The following LMTK2 variants were observed in gnomAD, a reference collection of about 807,000 sequenced individuals.
LMTK2 encodes the protein lemur tail kinase 2, also known as serine/threonine-protein kinase LMTK2.
A neutral mutation model predicts 127.5 loss-of-function variants in LMTK2; 37 were observed. The observed-to-expected ratio is 0.29, with a 90% CI of 0.22 to 0.38. The LOEUF (loss-of-function observed/expected upper bound fraction) is 0.38, where lower values mean the gene tolerates loss of function less well. LMTK2 is among the 10% of genes least tolerant of loss of function. The pLI, the probability that LMTK2 is intolerant of heterozygous loss-of-function variation, is 1.00. For missense variants in LMTK2, 1,694 were observed against 1,920.3 expected (o/e 0.88, Z 2.20); for synonymous variants, 819 against 810.1 (o/e 1.01, Z -0.19).
rs2116491540 is a variant in LMTK2, at chr7:98,206,781, T to C, written c.*1289T>C. 1 of 152,272 alleles carries C rather than the reference T, an allele frequency of 6.6e-6. No individual in the cohort carries two copies. The highest frequency in any genetic ancestry group is 1.9e-4 in the East Asian group (1 of 5,180). 9.4% of individuals were successfully genotyped at this position (152,272 alleles called of 1,614,324 possible). A position where few individuals can be genotyped will look rare whatever the true frequency, so the allele number is the denominator to read the frequency against. On this transcript the variant is annotated 3_prime_UTR_variant, in exon 14 of 14. Coordinates refer to ENST00000297293, the MANE Select transcript of LMTK2 (RefSeq NM_014916.4). Reference sequence around the variant, plus strand: ...GTCACGTCCAGCTGGGCCTGGCCAGTCTGTGGTTATCCATGTGGGATGAGA... The same window carrying C: ...GTCACGTCCAGCTGGGCCTGGCCAGCCTGTGGTTATCCATGTGGGATGAGA...
intron 6 of LMTK2, among the ~76,000 whole-genome samples, chr7:98,165,201 A>T (rs1351846296): frequency 6.6e-6 from 1 of 152,188 alleles, no homozygotes; most frequent in African/African-American, 2.4e-5. Flanking sequence ...CACAACGGGG[A>T]GTACGATGAG....
At chr7:98,116,701 A>T (rs747460711) in intron 1 of LMTK2, among the ~76,000 whole-genome samples, 3 of 152,246 alleles carry the variant, frequency 2.0e-5, no homozygotes, top group Non-Finnish European at 4.4e-5. Flanking sequence ...TGTCACAACT[A>T]AGGAACAAGT....
chr7:98,129,955 A>G (rs1253660994), intron 1 of LMTK2, among the ~76,000 whole-genome samples: 1 of 152,086 alleles, frequency 6.6e-6, no homozygotes, highest in East Asian at 1.9e-4. Context: ...GACAGATTCC[A>G]TGGGCCGATG....
chr7:98,192,020 C>T lies in LMTK2; in HGVS notation c.1555C>T (p.Pro519Ser), dbSNP rs912819695. The T allele has an allele frequency of 3.1e-6, 5 of 1,607,110 alleles. No homozygotes were observed. The African/African-American group carries it at 4.0e-5, about 13-fold the overall frequency. Residue 519 changes from proline (P) to serine (S), a missense_variant, in exon 11 of 14, where the codon CCC (proline) becomes TCC (serine). Pro to Ser is a moderately conservative substitution (Grantham distance 74, BLOSUM62 -1). This residue lies in a region of LMTK2 where 216 missense variants were observed against 266.8 expected (regional missense o/e 0.81). Coordinates refer to ENST00000297293, the MANE Select transcript of LMTK2 (RefSeq NM_014916.4). Reference sequence around the variant, plus strand: ...TGAGAGTTCGCTTTCAGATCCTGGGCCCGGAAAGCAAGATGACAGCGGCCA... The same window carrying T: ...TGAGAGTTCGCTTTCAGATCCTGGGTCCGGAAAGCAAGATGACAGCGGCCA... ...VFESSLSDPGPGKQDDSGQDV... is the reference protein window; with the variant it reads ...VFESSLSDPGSGKQDDSGQDV...
At position 98,208,841 on chromosome 7, in the gene LMTK2, A is replaced by G. The variant is rs1355750455; in HGVS notation, c.*3349A>G. 1.3e-5 allele frequency: 2 copies of G among 152,242 alleles called. No homozygotes were observed. The highest frequency in any genetic ancestry group is 2.9e-5 in the Non-Finnish European group (2 of 68,032). The allele number at this position is 152,242 out of a possible 1,614,324, so 9.4% of individuals were successfully genotyped here. A position where few individuals can be genotyped will look rare whatever the true frequency, so the allele number is the denominator to read the frequency against. On this transcript the variant is annotated 3_prime_UTR_variant, in exon 14 of 14. Coordinates refer to ENST00000297293, the MANE Select transcript of LMTK2 (RefSeq NM_014916.4). ...TAAATGTACAGGTTCGATCGTTTCTATAGAAATGGGTTTATCTAAGAAAAG... is the reference window on the plus strand; with the variant it reads ...TAAATGTACAGGTTCGATCGTTTCTGTAGAAATGGGTTTATCTAAGAAAAG...
At chr7:98,107,597 G>C (rs1299912180) in intron 1 of LMTK2, among the ~76,000 whole-genome samples, 1 of 152,222 alleles carries the variant, frequency 6.6e-6, no homozygotes, top group Non-Finnish European at 1.5e-5. Flanking sequence ...TGGCAGTTCA[G>C]CTTCCCTTTC....
chr7:98,120,311 A>G, intron 1 of LMTK2, among the ~76,000 whole-genome samples: 1 of 152,146 alleles, frequency 6.6e-6, no homozygotes, highest in East Asian at 1.9e-4. Context: ...TCCATCCCCA[A>G]ACTTTGTTTT....
chr7:98,165,153 A>G (rs1196424162), intron 6 of LMTK2, among the ~76,000 whole-genome samples: 1 of 152,230 alleles, frequency 6.6e-6, no homozygotes, highest in Non-Finnish European at 1.5e-5. Context: ...GCTTAGACCC[A>G]TGGGCTCTTA....
At chr7:98,167,357 A>C (rs969570496) in intron 6 of LMTK2, among the ~76,000 whole-genome samples, 1 of 152,256 alleles carries the variant, frequency 6.6e-6, no homozygotes, top group African/African-American at 2.4e-5. Flanking sequence ...ATAAAACAGC[A>C]GGGAGGAACC....
intron 6 of LMTK2, among the ~76,000 whole-genome samples, chr7:98,169,801 T>C (rs1043901345): frequency 1.3e-5 from 2 of 151,930 alleles, no homozygotes; most frequent in African/African-American, 4.8e-5. Flanking sequence ...CATATGTTTT[T>C]ACAAGAAAAA....
chr7:98,121,355 G>A (rs1035333636), intron 1 of LMTK2, among the ~76,000 whole-genome samples: 10 of 152,016 alleles, frequency 6.6e-5, no homozygotes, highest in Non-Finnish European at 1.0e-4. Flanking sequence ...CAAGCCTGGC[G>A]TGGTGGCTCA....
chr7:98,204,364 G>A (rs902672572), intron 13 of LMTK2, among the ~76,000 whole-genome samples, 178 bp downstream of exon 13: 2 of 152,208 alleles, frequency 1.3e-5, no homozygotes. Flanking sequence ...ACTCCTGCCT[G>A]TAATCCCAGC....
Position 98,204,177 on chromosome 7 carries a change from G to A in LMTK2, c.4474G>A (p.Glu1492Lys), listed in dbSNP as rs747039004. The part of the protein sequence containing the change: ...SLTHLTDSDI[E>K]QGGSSEDGEK... Reference sequence around the variant, plus strand: ...CACACACCTGACCGACTCGGACATCGAGCAGGGCGGTGAGAGGCGCTGCGT... The same window carrying A: ...CACACACCTGACCGACTCGGACATCAAGCAGGGCGGTGAGAGGCGCTGCGT... The change falls in exon 13 of 14, where the codon GAG (glutamate) becomes AAG (lysine). Residue 1492 changes from glutamate (E) to lysine (K), a missense_variant. Glu to Lys is a moderately conservative substitution (Grantham distance 56, BLOSUM62 1). This residue lies in a region of LMTK2 where 554 missense variants were observed against 567.7 expected (regional missense o/e 0.98). Coordinates refer to ENST00000297293, the MANE Select transcript of LMTK2 (RefSeq NM_014916.4). 3 of 1,606,176 alleles carry A rather than the reference G, an allele frequency of 1.9e-6. No homozygotes were observed. Among genetic ancestry groups the A allele is most frequent in the African/African-American group, 1.3e-5 (1 of 74,838 alleles).
chr7:98,205,425 A>C, intron 13 of LMTK2, 39 bp from the exon 14 acceptor site: 1 of 1,613,480 alleles, frequency 6.2e-7, no homozygotes, highest in Non-Finnish European at 8.5e-7. Flanking sequence ...TCATTTTAAA[A>C]ACCCAGCTTT....
intron 6 of LMTK2, among the ~76,000 whole-genome samples, chr7:98,160,826 T>C (rs764084645): frequency 1.6e-4 from 24 of 152,238 alleles, no homozygotes; most frequent in Non-Finnish European, 2.2e-4. Flanking sequence ...AATTTCAACC[T>C]TCTATCATTA....
chr7:98,201,830 G>A (rs527780390), intron 11 of LMTK2, among the ~76,000 whole-genome samples: 1 of 152,212 alleles, frequency 6.6e-6, no homozygotes, highest in South Asian at 2.1e-4. Context: ...GGCTGGTTTT[G>A]AACTCCTGGC....
intron 10 of LMTK2, among the ~76,000 whole-genome samples, chr7:98,191,226 G>T (rs922632707): frequency 6.6e-6 from 1 of 152,116 alleles, no homozygotes; most frequent in African/African-American, 2.4e-5. Context: ...AGGATTACAA[G>T]TGTGAGCCAG....
chr7:98,167,195 A>G (rs1797113390), intron 6 of LMTK2, among the ~76,000 whole-genome samples: 1 of 152,208 alleles, frequency 6.6e-6, no homozygotes, highest in Non-Finnish European at 1.5e-5. Context: ...TGTCTGCCTA[A>G]GTGTTTTTTC....
rs1210371581 is a variant in LMTK2 at position 98,208,432 on chromosome 7, G to A, written c.*2940G>A. ...AACTAATAAGTTGGTTATCAGTGGT[G>A]GGTTTTCAAAATGTACTTGTTCTAA... is the stretch of plus-strand genomic sequence containing the variant. On this transcript the variant is annotated 3_prime_UTR_variant, in exon 14 of 14. Transcript: ENST00000297293. The A allele has an allele frequency of 6.6e-6, 1 of 152,070 alleles. No homozygotes were observed. Among genetic ancestry groups the A allele is most frequent in the Non-Finnish European group, 1.5e-5 (1 of 68,022 alleles). 9.4% of individuals were successfully genotyped at this position (152,070 alleles called of 1,614,324 possible). A position where few individuals can be genotyped will look rare whatever the true frequency, so the allele number is the denominator to read the frequency against.
Sources: allele counts gnomAD v4.1 joint callset (sites outside exome capture counted in the v4.1 genomes callset), GRCh38; gene constraint gnomAD v4.1.1; regional missense constraint gnomAD v4.1.1; transcripts MANE v1.5; gene names NCBI Gene and HGNC (gene_info 2026-07-23, HGNC 2026-07-21).